The following ZBTB37 variants were observed in gnomAD, a reference collection of about 807,000 sequenced individuals.
The protein encoded by ZBTB37 is zinc finger and BTB domain containing 37.
In ZBTB37, 15 loss-of-function variants were observed where a neutral mutation model predicts 37.7. That is an observed-to-expected ratio of 0.40 (90% CI 0.27 to 0.61). The LOEUF (loss-of-function observed/expected upper bound fraction) is 0.61, where lower values mean the gene tolerates loss of function less well. Ranked by LOEUF, ZBTB37 falls within the 20% of genes least tolerant of loss-of-function variation. The probability of loss-of-function intolerance (pLI) is 0.44; values close to 1 mark genes in which losing one functional copy is unlikely to be tolerated. For synonymous variants in ZBTB37, 231 were observed against 220.6 expected (o/e 1.05, Z -0.42); for missense variants, 514 against 641.9 (o/e 0.80, Z 2.15).
rs553047721 is a variant in ZBTB37, at chr1:173,874,936, A to G, written c.1023+1370A>G. ...TTAAAATTCTTGCTTGTGGGCGTGC[A>G]GGAAAATACACTTTCGATGTCAGCA... On this transcript the variant is annotated intron_variant, in intron 4 of 4. Transcript: ENST00000427304. Among the ~76,000 whole-genome samples the G allele has an allele frequency of 1.9e-3, 290 of 152,182 alleles. 2 individuals carry two copies. The highest frequency in any genetic ancestry group is 6.6e-3 in the African/African-American group (276 of 41,518).
exon 4 of ZBTB37, chr1:173,901,399 C>CTTTTTT (rs3053950): frequency 8.2e-6 from 1 of 121,758 alleles, no homozygotes; most frequent in Non-Finnish European, 1.7e-5. Flanking sequence ...AAAGTTAGAA[C>CTTTTTT]TTTTTTTTTT....
chr1:173,870,869 A>T (rs1216193345), exon 3 of ZBTB37: 1 of 1,614,202 alleles, frequency 6.2e-7, no homozygotes, highest in Admixed American at 1.7e-5. Flanking sequence ...CTTCGGATCA[A>T]CCGAGCAGGA....
At position 173,873,326 on chromosome 1, in the gene ZBTB37, C is replaced by G. The variant is rs1294461724; in HGVS notation, c.924-141C>G. On this transcript the variant is annotated intron_variant, in intron 3 of 4. Transcript: ENST00000427304. ...TTCAAATCAGATTATGTATTAACTCCACAAAACTATTCCTCAGTTATTTGT... is the reference window on the plus strand; with the variant it reads ...TTCAAATCAGATTATGTATTAACTCGACAAAACTATTCCTCAGTTATTTGT... 7 of 777,984 alleles carry G rather than the reference C, an allele frequency of 9.0e-6. No homozygotes were observed. In the Admixed American group the frequency reaches 1.4e-4, roughly 15 times the overall value. The allele number at this position is 777,984 out of a possible 1,614,324, so 48.2% of individuals were successfully genotyped here.
At chr1:173,895,945 A>G (rs900483570) in exon 4 of ZBTB37, 10 of 152,194 alleles carry the variant, frequency 6.6e-5, no homozygotes, top group African/African-American at 2.2e-4. Flanking sequence ...TATCCAGTCC[A>G]TGTGCAATGA....
At chr1:173,900,023 A>G (rs1454852317) in exon 4 of ZBTB37, 4 of 152,218 alleles carry the variant, frequency 2.6e-5, no homozygotes, top group Non-Finnish European at 5.9e-5. Flanking sequence ...AACTAGCTGA[A>G]ATGGAGCACT....
chr1:173,881,328 C>T (rs1352728766), intron 4 of ZBTB37, among the ~76,000 whole-genome samples: 1 of 152,152 alleles, frequency 6.6e-6, no homozygotes, highest in Non-Finnish European at 1.5e-5. Flanking sequence ...TGTATATGTG[C>T]CACATTTTCT....
At chr1:173,888,779 G>C (rs1557892678), downstream of ZBTB37, 1 of 152,144 alleles carries the variant, frequency 6.6e-6, no homozygotes, top group African/African-American at 2.4e-5. Context: ...TTATATGTGA[G>C]AAAATGGAGC....
At chr1:173,868,569 C>T (rs1406422155) in intron 1 of ZBTB37, among the ~76,000 whole-genome samples, 164 bp downstream of exon 1, 1 of 152,218 alleles carries the variant, frequency 6.6e-6, no homozygotes, top group Non-Finnish European at 1.5e-5. Context: ...CCCTTGGCCC[C>T]CGGCCGGGCT....
chr1:173,870,425 G>A (rs1305124904), exon 3 of ZBTB37: 5 of 1,614,050 alleles, frequency 3.1e-6, no homozygotes, highest in Non-Finnish European at 4.2e-6. Flanking sequence ...AATGAGATGA[G>A]TACAGTCTCC....
At chr1:173,894,696 AAAG>A (rs1265614236) in exon 4 of ZBTB37, 2 of 152,252 alleles carry the variant, frequency 1.3e-5, no homozygotes, top group Non-Finnish European at 2.9e-5. Context: ...AAGGGGGAAA[AAAG>A]AACTCAATGG....
chr1:173,870,548 T>A (rs771250196), exon 3 of ZBTB37: 1 of 1,614,202 alleles, frequency 6.2e-7, no homozygotes, highest in Non-Finnish European at 8.5e-7. Flanking sequence ...GCTGCCAGTT[T>A]TCTGCAAATG....
exon 5 of ZBTB37, chr1:173,885,644 G>A (rs1471180353): frequency 6.4e-7 from 1 of 1,551,100 alleles, no homozygotes; most frequent in South Asian, 1.2e-5. Context: ...AGGTAGAAGA[G>A]TCAGCAATGA....
At chr1:173,871,241 C>T (rs1328698587) in intron 3 of ZBTB37, 93 bp downstream of exon 3, 2 of 1,262,960 alleles carry the variant, frequency 1.6e-6, no homozygotes, top group East Asian at 5.1e-5. Flanking sequence ...TTTTCCTTAC[C>T]TGATTTTCTT....
intron 4 of ZBTB37, among the ~76,000 whole-genome samples, chr1:173,875,330 ATT>A (rs1194584064): frequency 8.2e-6 from 1 of 122,450 alleles, no homozygotes. Flanking sequence ...ATATATATAT[ATT>A]TTTTTTTTTT....
chr1:173,872,557 GC>G (rs1655646065), intron 3 of ZBTB37, among the ~76,000 whole-genome samples: 1 of 152,000 alleles, frequency 6.6e-6, no homozygotes, highest in Admixed American at 6.6e-5. Flanking sequence ...ATAATCTTGA[GC>G]ATAGAACTTG....
At chr1:173,877,304 A>T (rs2102733185) in intron 4 of ZBTB37, among the ~76,000 whole-genome samples, 1 of 150,560 alleles carries the variant, frequency 6.6e-6, no homozygotes, top group East Asian at 2.0e-4. Context: ...TGGGACTAGG[A>T]TTGTTTAAAA....
At chr1:173,879,374 T>C (rs1656170245) in intron 4 of ZBTB37, among the ~76,000 whole-genome samples, 1 of 152,126 alleles carries the variant, frequency 6.6e-6, no homozygotes, top group South Asian at 2.1e-4. Context: ...AAATTAAATA[T>C]GTATATGCGT....
At chr1:173,901,015 C>T (rs528821748) in exon 4 of ZBTB37, 8 of 152,208 alleles carry the variant, frequency 5.3e-5, no homozygotes, top group Non-Finnish European at 8.8e-5. Flanking sequence ...AAGATAAATA[C>T]GTAAACTTGT....
chr1:173,902,225 AAGG>A (rs1657287778), exon 4 of ZBTB37: 1 of 152,270 alleles, frequency 6.6e-6, no homozygotes, highest in African/African-American at 2.4e-5. Flanking sequence ...GATTGATAGC[AAGG>A]ATCAACTATG....
Sources: allele counts gnomAD v4.1 joint callset (sites outside exome capture counted in the v4.1 genomes callset), GRCh38; gene constraint gnomAD v4.1.1; transcripts MANE v1.5; gene names NCBI Gene and HGNC (gene_info 2026-07-23, HGNC 2026-07-21).